Variants in RBM27 observed in about 807,000 individuals in gnomAD.
The protein encoded by RBM27 is RNA-binding protein 27.
In RBM27, 22 loss-of-function variants were observed where a neutral mutation model predicts 135.3. The observed-to-expected ratio is 0.16, with a 90% CI of 0.12 to 0.23. The LOEUF is 0.23. Ranked by LOEUF, RBM27 falls within the 10% of genes least tolerant of loss-of-function variation. RBM27 has a pLI of 1.00. For synonymous variants in RBM27, 481 were observed against 442.4 expected, an observed-to-expected ratio of 1.09 and a Z score of -1.10; for missense variants, 1,009 against 1,281.0, an observed-to-expected ratio of 0.79 and a Z score of 3.24.
At chr5:146,217,555 A>G (rs1581144523) in intron 1 of RBM27, among the ~76,000 whole-genome samples, 2 of 140,920 alleles carry the variant, frequency 1.4e-5, no homozygotes, top group South Asian at 2.2e-4. Context: ...GCTTGCTGCA[A>G]CCTCCAACTC....
intron 1 of RBM27, among the ~76,000 whole-genome samples, chr5:146,212,120 A>G (rs1412436210): frequency 2.3e-5 from 3 of 129,246 alleles, no homozygotes; most frequent in Non-Finnish European, 4.9e-5. Context: ...CAGTGGCGCA[A>G]TCTCGACTCA....
intron 14 of RBM27, among the ~76,000 whole-genome samples, chr5:146,265,008 T>TA (rs1469341137): frequency 6.6e-6 from 1 of 152,126 alleles, no homozygotes; most frequent in Admixed American, 6.5e-5. Flanking sequence ...GTCTAAATGA[T>TA]ACAACCCTCA....
At chr5:146,283,163 CCT>C (rs2032938131) in intron 19 of RBM27, among the ~76,000 whole-genome samples, 1 of 152,050 alleles carries the variant, frequency 6.6e-6, no homozygotes, top group African/African-American at 2.4e-5. Context: ...GCAGGGAAAG[CCT>C]CTCTATAATT....
intron 1 of RBM27, among the ~76,000 whole-genome samples, chr5:146,212,495 C>CA (rs1756009789): frequency 6.6e-6 from 1 of 151,894 alleles, no homozygotes; most frequent in Admixed American, 6.6e-5. Context: ...ACTATAGGTG[C>CA]ATGCCACCAC....
At chr5:146,215,058 CT>C (rs111706587) in intron 1 of RBM27, among the ~76,000 whole-genome samples, 1 of 151,400 alleles carries the variant, frequency 6.6e-6, no homozygotes, top group Non-Finnish European at 1.5e-5. Flanking sequence ...GGTTTCTTTT[CT>C]TTTTTTTTGA....
intron 11 of RBM27, among the ~76,000 whole-genome samples, chr5:146,259,270 C>A (rs1009777277): frequency 6.6e-6 from 1 of 151,736 alleles, no homozygotes; most frequent in Admixed American, 6.6e-5. Flanking sequence ...AATCCCAGCT[C>A]TTTGGGAGGC....
At chr5:146,204,315 G>A (rs1427901249) in intron 1 of RBM27, among the ~76,000 whole-genome samples, 1 of 152,158 alleles carries the variant, frequency 6.6e-6, no homozygotes, top group Admixed American at 6.5e-5. Context: ...GGATAGCAGG[G>A]ACATTGAAAC....
chr5:146,221,408 C>T (rs1756459563), intron 2 of RBM27, among the ~76,000 whole-genome samples: 1 of 152,030 alleles, frequency 6.6e-6, no homozygotes, highest in South Asian at 2.1e-4. Context: ...CTTTTGAGCA[C>T]TTGATATCTG....
At chr5:146,228,868 C>A (rs1581163006) in intron 3 of RBM27, 78 bp from the exon 4 acceptor site, 1 of 1,155,502 alleles carries the variant, frequency 8.7e-7, no homozygotes, top group African/African-American at 1.5e-5. Flanking sequence ...CCACCTGGAC[C>A]TCGTAAAATG....
At chr5:146,254,596 A>C (rs963781714) in intron 9 of RBM27, among the ~76,000 whole-genome samples, 1 of 152,208 alleles carries the variant, frequency 6.6e-6, no homozygotes, top group Non-Finnish European at 1.5e-5. Flanking sequence ...CAATAATTAA[A>C]AGGAATGCAA....
At chr5:146,256,807 A>G (rs1412570947) in intron 10 of RBM27, among the ~76,000 whole-genome samples, 1 of 152,204 alleles carries the variant, frequency 6.6e-6, no homozygotes, top group Non-Finnish European at 1.5e-5. Context: ...TTGTGTATAC[A>G]ACAAGATTTC....
rs1758219492 is a variant in RBM27, at chr5:146,258,487, G to A, written c.1633G>A (p.Val545Ile). ...IVIQTEPPVPVSINSNITRVV... is the reference protein window; with the variant it reads ...IVIQTEPPVPISINSNITRVV... The stretch of plus-strand genomic sequence containing the variant: ...GATCCAGACTGAACCACCAGTTCCT[G>A]TTTCGATTAATAGCAACATAACCAG... Residue 545 changes from valine to isoleucine, a missense_variant, in exon 11 of 21, where the codon GTT becomes ATT. Coordinates refer to ENST00000265271, the MANE Select transcript of RBM27 (RefSeq NM_018989.2). 1 of 1,601,264 alleles carries A rather than the reference G, an allele frequency of 6.2e-7. No homozygotes were observed. The highest frequency in any genetic ancestry group is 8.5e-7 in the Non-Finnish European group (1 of 1,173,860).
At chr5:146,278,673 T>C (rs1426408789) in intron 19 of RBM27, among the ~76,000 whole-genome samples, 2 of 152,160 alleles carry the variant, frequency 1.3e-5, no homozygotes, top group African/African-American at 4.8e-5. Context: ...TGCACAGATA[T>C]ATAATACTAC....
At chr5:146,209,499 A>T (rs550108519) in intron 1 of RBM27, among the ~76,000 whole-genome samples, 13 of 152,238 alleles carry the variant, frequency 8.5e-5, no homozygotes, top group Non-Finnish European at 1.6e-4. Context: ...AGTTTATTTT[A>T]TTGGTTCATA....
At chr5:146,219,542 T>G (rs1175059733) in intron 2 of RBM27, among the ~76,000 whole-genome samples, 2 of 152,218 alleles carry the variant, frequency 1.3e-5, no homozygotes, top group Non-Finnish European at 2.9e-5. Flanking sequence ...TTTCATCTTC[T>G]TACCAAATCT....
At chr5:146,233,274 A>G (rs1012565393) in intron 6 of RBM27, among the ~76,000 whole-genome samples, 176 bp from the exon 7 acceptor site, 2 of 152,190 alleles carry the variant, frequency 1.3e-5, no homozygotes, top group Admixed American at 6.5e-5. Context: ...TAGAGAGTAC[A>G]TCTGCCTCTA....
intron 19 of RBM27, among the ~76,000 whole-genome samples, chr5:146,272,402 G>A (rs1158025639): frequency 6.6e-6 from 1 of 152,168 alleles, no homozygotes; most frequent in East Asian, 1.9e-4. Context: ...TCTTTTGAGA[G>A]GAAGTATTTT....
intron 1 of RBM27, among the ~76,000 whole-genome samples, chr5:146,211,261 C>T (rs1230126996): frequency 6.6e-6 from 1 of 152,008 alleles, no homozygotes; most frequent in African/African-American, 2.4e-5. Context: ...GCCTGGGCAA[C>T]AGAATGAGAC....
rs1292542329 is a variant in RBM27, at chr5:146,258,203, T to A, written c.1595-246T>A. On this transcript the variant is annotated intron_variant, in intron 10 of 20. Coordinates refer to ENST00000265271, the MANE Select transcript of RBM27 (RefSeq NM_018989.2). ...GTTTTCCAGCAACCTTTCACCAATA[T>A]TTTTTTCATCTATTGATCATCCATG... Among the ~76,000 whole-genome samples the A allele has an allele frequency of 3.3e-5, 5 of 152,182 alleles. No individual in the cohort carries two copies. In the South Asian group the frequency reaches 1.0e-3, roughly 31 times the overall value.
Sources: allele counts gnomAD v4.1 joint callset (sites outside exome capture counted in the v4.1 genomes callset), GRCh38; gene constraint gnomAD v4.1.1; transcripts MANE v1.5; gene names NCBI Gene and HGNC (gene_info 2026-07-23, HGNC 2026-07-21).